SSBP2: variants seen among roughly 807,000 people sequenced by gnomAD.
SSBP2 encodes single stranded DNA binding protein 2, also known as single-stranded DNA-binding protein 2.
A neutral mutation model predicts 61.8 loss-of-function variants in SSBP2; 17 were observed. The observed-to-expected ratio is 0.28, with a 90% CI of 0.19 to 0.41. The LOEUF is 0.41. Among genes scored for constraint, SSBP2 ranks in the 10% least tolerant of loss-of-function variants. The pLI is 1.00. For missense variants in SSBP2, 310 were observed against 458.7 expected (o/e 0.68, Z 2.96); for synonymous variants, 139 against 141.3 (o/e 0.98, Z 0.12).
chr5:81,586,515 T>G (rs1007316371), intron 4 of SSBP2, among the ~76,000 whole-genome samples: 1 of 151,982 alleles, frequency 6.6e-6, no homozygotes, highest in Non-Finnish European at 1.5e-5. Context: ...AAATAATAGC[T>G]TATTACATAT....
chr5:81,525,159 C>T (rs141551844), intron 4 of SSBP2, among the ~76,000 whole-genome samples: 113 of 152,050 alleles, frequency 7.4e-4, no homozygotes, highest in African/African-American at 2.7e-3. Flanking sequence ...ATCTGAATGT[C>T]TCAAGAGACT....
intron 1 of SSBP2, among the ~76,000 whole-genome samples, chr5:81,669,412 G>C (rs1241787597): frequency 2.0e-5 from 3 of 152,198 alleles, no homozygotes; most frequent in African/African-American, 7.2e-5. Flanking sequence ...GCAGCACTTG[G>C]AATCAAGCAA....
intron 4 of SSBP2, among the ~76,000 whole-genome samples, chr5:81,607,134 A>G (rs1744960946): frequency 6.6e-6 from 1 of 152,194 alleles, no homozygotes; most frequent in African/African-American, 2.4e-5. Flanking sequence ...AATAAAAACT[A>G]TAATATGACC....
intron 16 of SSBP2, among the ~76,000 whole-genome samples, chr5:81,424,098 G>A (rs1405904778): frequency 6.6e-6 from 1 of 152,050 alleles, no homozygotes; most frequent in Non-Finnish European, 1.5e-5. Flanking sequence ...CAAAATGGAA[G>A]CATCAGCTCC....
At chr5:81,587,280 G>A (rs905524220) in intron 4 of SSBP2, among the ~76,000 whole-genome samples, 2 of 152,146 alleles carry the variant, frequency 1.3e-5, no homozygotes, top group Non-Finnish European at 2.9e-5. Context: ...AAGTAAACTA[G>A]TATGAGTGTA....
chr5:81,578,334 G>A (rs566322631), intron 4 of SSBP2, among the ~76,000 whole-genome samples: 1 of 151,832 alleles, frequency 6.6e-6, no homozygotes, highest in Non-Finnish European at 1.5e-5. Context: ...GTTCCTTCTT[G>A]CCATTCCAAA....
chr5:81,563,094 A>G (rs1773172550), intron 4 of SSBP2, among the ~76,000 whole-genome samples: 1 of 152,162 alleles, frequency 6.6e-6, no homozygotes, highest in Non-Finnish European at 1.5e-5. Flanking sequence ...AGAACAGCAA[A>G]GTTGAAGGTT....
intron 4 of SSBP2, among the ~76,000 whole-genome samples, chr5:81,557,346 T>G (rs1426438845): frequency 6.6e-6 from 1 of 152,160 alleles, no homozygotes; most frequent in Non-Finnish European, 1.5e-5. Context: ...TGTGCTTGAG[T>G]TCTTTGACTA....
At chr5:81,490,436 T>C (rs1217851664) in intron 5 of SSBP2, among the ~76,000 whole-genome samples, 2 of 152,278 alleles carry the variant, frequency 1.3e-5, no homozygotes, top group South Asian at 2.1e-4. Flanking sequence ...GTAAGATGTT[T>C]CTTACATGTA....
At chr5:81,693,726 G>A (rs148970584) in intron 1 of SSBP2, among the ~76,000 whole-genome samples, 128 of 152,264 alleles carry the variant, frequency 8.4e-4, no homozygotes, top group Non-Finnish European at 1.6e-3. Flanking sequence ...GTACATTGTT[G>A]GTGGGAATAT....
At chr5:81,510,206 C>G (rs1340876611) in intron 5 of SSBP2, among the ~76,000 whole-genome samples, 1 of 152,100 alleles carries the variant, frequency 6.6e-6, no homozygotes, top group Non-Finnish European at 1.5e-5. Context: ...AAACCTAGGA[C>G]AGGTCTATCA....
intron 1 of SSBP2, among the ~76,000 whole-genome samples, chr5:81,744,909 A>T (rs1477134286): frequency 2.0e-5 from 3 of 151,984 alleles, no homozygotes; most frequent in African/African-American, 7.2e-5. Context: ...GTTTGTCTTT[A>T]AAAAAAAGAA....
intron 1 of SSBP2, among the ~76,000 whole-genome samples, chr5:81,704,838 C>A (rs1342630940): frequency 2.8e-5 from 4 of 142,764 alleles, no homozygotes; most frequent in African/African-American, 7.7e-5. Context: ...TCCCTATTCA[C>A]ATTAGTTATT....
At chr5:81,673,217 T>C (rs12055228) in intron 1 of SSBP2, among the ~76,000 whole-genome samples, 5,373 of 152,274 alleles carry the variant, frequency 0.035, 149 homozygotes, top group South Asian at 0.12. Context: ...GACAGTAAGC[T>C]AAGACGTCTT....
chr5:81,600,487 A>G (rs1384221876), intron 4 of SSBP2, among the ~76,000 whole-genome samples: 12 of 146,822 alleles, frequency 8.2e-5, no homozygotes, highest in African/African-American at 2.2e-4. Flanking sequence ...ACTTGAACCC[A>G]GGAGGTGCAG....
At chr5:81,445,285 A>G (rs948192125) in intron 12 of SSBP2, among the ~76,000 whole-genome samples, 3 of 149,732 alleles carry the variant, frequency 2.0e-5, no homozygotes, top group Non-Finnish European at 4.4e-5. Context: ...GCTGAGTATT[A>G]GAGGAGTGAC....
At chr5:81,499,580 G>T (rs1333232860) in intron 5 of SSBP2, among the ~76,000 whole-genome samples, 1 of 152,078 alleles carries the variant, frequency 6.6e-6, no homozygotes. Flanking sequence ...TCGGTGTGAG[G>T]CAAGTATCTG....
At chr5:81,580,597 T>C (rs1041438588) in intron 4 of SSBP2, among the ~76,000 whole-genome samples, 3 of 152,136 alleles carry the variant, frequency 2.0e-5, no homozygotes, top group Non-Finnish European at 2.9e-5. Context: ...TTGACCCTAG[T>C]AGATCATTTC....
intron 1 of SSBP2, among the ~76,000 whole-genome samples, chr5:81,705,397 A>G (rs1324320033): frequency 6.6e-6 from 1 of 152,186 alleles, no homozygotes; most frequent in African/African-American, 2.4e-5. Flanking sequence ...GAAATGTTAT[A>G]TACTTTACAA....
Sources: gnomAD v4.1 joint callset for allele counts (sites outside exome capture counted in the v4.1 genomes callset) on GRCh38, gnomAD v4.1.1 for gene constraint, MANE v1.5 for transcripts, NCBI Gene and HGNC (gene_info 2026-07-23, HGNC 2026-07-21) for gene names.